The following SNX29 variants were observed in gnomAD, a reference collection of about 807,000 sequenced individuals.
SNX29 encodes sorting nexin-29.
SNX29 carries 78 observed loss-of-function variants against 102.1 expected under a neutral mutation model. The ratio of observed to expected loss-of-function variants is 0.76; its 90% CI spans 0.64 to 0.92. The LOEUF is 0.92. Ranked by LOEUF, SNX29 falls within the 40% of genes least tolerant of loss-of-function variation. The pLI is 0.00. For synonymous variants in SNX29, 580 were observed against 414.5 expected, an observed-to-expected ratio of 1.40 and a Z score of -4.85; for missense variants, 1,280 against 1,061.7, an observed-to-expected ratio of 1.21 and a Z score of -2.86.
chr16:12,286,986 G>A (rs965334232), intron 15 of SNX29, among the ~76,000 whole-genome samples: 12 of 152,198 alleles, frequency 7.9e-5, no homozygotes, highest in Non-Finnish European at 4.4e-5. Context: ...TTGGGTTGGA[G>A]TATCAGGGAG....
At chr16:12,195,935 G>T (rs1038297635) in intron 13 of SNX29, among the ~76,000 whole-genome samples, 1 of 150,100 alleles carries the variant, frequency 6.7e-6, no homozygotes, top group Admixed American at 6.6e-5. Flanking sequence ...TTTGCTGGTT[G>T]TGAGTTTTTG....
intron 20 of SNX29, among the ~76,000 whole-genome samples, chr16:12,537,001 T>G (rs1022202912): frequency 1.8e-4 from 27 of 151,056 alleles, no homozygotes; most frequent in African/African-American, 1.2e-4. Context: ...ATAAAAAGAG[T>G]TGTTCAGGGC....
chr16:12,412,074 T>A (rs2084418477), intron 18 of SNX29, among the ~76,000 whole-genome samples: 1 of 152,116 alleles, frequency 6.6e-6, no homozygotes. Context: ...AGACAGGACC[T>A]CCATGAAAGC....
At chr16:12,270,482 G>A (rs1008133805) in intron 14 of SNX29, among the ~76,000 whole-genome samples, 2 of 152,116 alleles carry the variant, frequency 1.3e-5, no homozygotes, top group South Asian at 2.1e-4. Flanking sequence ...TAAATCCGAT[G>A]TTGTGCTTGC....
At chr16:12,540,116 T>G (rs1251291752) in intron 20 of SNX29, among the ~76,000 whole-genome samples, 5 of 152,238 alleles carry the variant, frequency 3.3e-5, no homozygotes, top group Admixed American at 6.5e-5. Flanking sequence ...ATAAAGATTT[T>G]CTCCTAGGTT....
chr16:12,506,416 A>G (rs549568010), intron 19 of SNX29, among the ~76,000 whole-genome samples: 1 of 152,312 alleles, frequency 6.6e-6, no homozygotes, highest in South Asian at 2.1e-4. Context: ...AGATGTTTGA[A>G]AGGATTATTC....
chr16:12,544,406 C>T lies in SNX29; in HGVS notation c.2318+19565C>T, dbSNP rs555794388. 6.0e-4 allele frequency among the ~76,000 whole-genome samples: 92 copies of T among 152,298 alleles called. 1 individual carries two copies. The highest frequency in any genetic ancestry group is 2.0e-3 in the African/African-American group (85 of 41,556). Reference sequence around the variant, plus strand: ...GCGTTGTGAGGTGGTTCTGCTAAAACATTATGTCAGCTGGTGGGATTTGGA... The same window carrying T: ...GCGTTGTGAGGTGGTTCTGCTAAAATATTATGTCAGCTGGTGGGATTTGGA... On this transcript the variant is annotated intron_variant, in intron 20 of 20. Coordinates refer to ENST00000566228, the MANE Select transcript of SNX29 (RefSeq NM_032167.5).
chr16:12,138,807 G>T (rs1350715870), intron 13 of SNX29, among the ~76,000 whole-genome samples: 1 of 152,094 alleles, frequency 6.6e-6, no homozygotes, highest in Admixed American at 6.5e-5. Flanking sequence ...CTGGCAAAAG[G>T]CACCAGAGCT....
rs974985934 is a variant in SNX29, at chr16:12,570,309, C to T, written c.*1680C>T. 3.6e-5 allele frequency: 37 copies of T among 1,027,452 alleles called. No homozygotes were observed. The highest frequency in any genetic ancestry group is 3.3e-4 in the African/African-American group (20 of 60,368). 63.6% of individuals were successfully genotyped at this position (1,027,452 alleles called of 1,614,324 possible). ...GTTTGCGAGTGTGGAGGACCCGAGACATCCTGTAAAGGCAACTTGGTCTCC... is the reference window on the plus strand; with the variant it reads ...GTTTGCGAGTGTGGAGGACCCGAGATATCCTGTAAAGGCAACTTGGTCTCC... On this transcript the variant is annotated 3_prime_UTR_variant, in exon 21 of 21. Coordinates refer to ENST00000566228, the MANE Select transcript of SNX29 (RefSeq NM_032167.5).
intron 13 of SNX29, among the ~76,000 whole-genome samples, chr16:12,174,386 G>A (rs1596426403): frequency 6.6e-6 from 1 of 152,224 alleles, no homozygotes; most frequent in South Asian, 2.1e-4. Flanking sequence ...CAAGAAGACA[G>A]TGGTCCCATC....
At chr16:12,380,340 C>G (rs1160609778) in intron 16 of SNX29, among the ~76,000 whole-genome samples, 7 of 123,686 alleles carry the variant, frequency 5.7e-5, no homozygotes, top group Non-Finnish European at 8.8e-5. Context: ...ATACCCCCCA[C>G]CCACCCATCC....
intron 15 of SNX29, among the ~76,000 whole-genome samples, chr16:12,330,617 C>T (rs546572957): frequency 7.2e-5 from 11 of 152,336 alleles, no homozygotes; most frequent in African/African-American, 2.4e-4. Context: ...AAATAGTAGC[C>T]TGAGGTGACA....
intron 18 of SNX29, among the ~76,000 whole-genome samples, chr16:12,470,176 A>G (rs1375484831): frequency 5.9e-5 from 9 of 152,270 alleles, no homozygotes; most frequent in Non-Finnish European, 1.0e-4. Flanking sequence ...TACAACATGC[A>G]GAAAAAAGTA....
chr16:12,135,263 G>A (rs369585551), intron 13 of SNX29, among the ~76,000 whole-genome samples: 26 of 152,138 alleles, frequency 1.7e-4, no homozygotes, highest in Non-Finnish European at 2.8e-4. Flanking sequence ...CTGGGCATCC[G>A]GTGGCCCACA....
At position 12,306,068 on chromosome 16, in the gene SNX29, CCT is replaced by C. The variant is rs1486984720; in HGVS notation, c.1782+28033_1782+28034del. ...TCTCACACCCTCCCTCAGCCAGGCA[CCT>C]GCATGTAAAACCATTCATCCTCATG... On this transcript the variant is annotated intron_variant, in intron 15 of 20. Coordinates refer to ENST00000566228, the MANE Select transcript of SNX29 (RefSeq NM_032167.5). 5.3e-5 allele frequency among the ~76,000 whole-genome samples: 8 copies of C among 152,086 alleles called. No individual in the cohort carries two copies. The East Asian group carries it at 1.6e-3, about 30-fold the overall frequency.
At chr16:12,553,621 G>C (rs114535712) in intron 20 of SNX29, among the ~76,000 whole-genome samples, 2 of 141,384 alleles carry the variant, frequency 1.4e-5, no homozygotes, top group South Asian at 2.2e-4. Flanking sequence ...ATGGAATTTT[G>C]TGCTTGTTGC....
rs764869904 is a variant in SNX29 at position 12,571,589 on chromosome 16, C to A, written c.*2960C>A. Reference sequence around the variant, plus strand: ...CCTTCTGTCTTCATGGCCTGCTGTGCTGAAACAGAACAGCAGGTTCCATCT... The same window carrying A: ...CCTTCTGTCTTCATGGCCTGCTGTGATGAAACAGAACAGCAGGTTCCATCT... On this transcript the variant is annotated 3_prime_UTR_variant, in exon 21 of 21. Coordinates refer to ENST00000566228, the MANE Select transcript of SNX29 (RefSeq NM_032167.5). 5 of 1,057,078 alleles carry A rather than the reference C, an allele frequency of 4.7e-6. No individual in the cohort carries two copies. The Admixed American group carries it at 2.2e-4, about 45-fold the overall frequency. 65.5% of individuals were successfully genotyped at this position (1,057,078 alleles called of 1,614,324 possible).
At chr16:12,262,115 C>G (rs2078792606) in intron 14 of SNX29, among the ~76,000 whole-genome samples, 1 of 151,678 alleles carries the variant, frequency 6.6e-6, no homozygotes, top group Admixed American at 6.6e-5. Context: ...TTGCTCTGAG[C>G]TCTGGTCTGT....
intron 19 of SNX29, among the ~76,000 whole-genome samples, chr16:12,520,548 TGAAGATGTCACAGACATCAATG>T (rs1227394161): frequency 6.6e-6 from 1 of 152,060 alleles, no homozygotes; most frequent in Non-Finnish European, 1.5e-5. Flanking sequence ...CGAGCATGAG[TGAAGATGTCACAGACATCAATG>T]GATAAAGAAA....
Sources: allele counts gnomAD v4.1 joint callset (sites outside exome capture counted in the v4.1 genomes callset), GRCh38; gene constraint gnomAD v4.1.1; transcripts MANE v1.5; gene names NCBI Gene and HGNC (gene_info 2026-07-23, HGNC 2026-07-21).